Variants in SLC4A4 observed in about 807,000 individuals in gnomAD.
The protein encoded by SLC4A4 is electrogenic sodium bicarbonate cotransporter 1.
Under a neutral mutation model 111.5 loss-of-function variants are expected in SLC4A4, and 27 were observed. That is an observed-to-expected ratio of 0.24 (90% confidence interval 0.18 to 0.33). The LOEUF (loss-of-function observed/expected upper bound fraction) is 0.33, where lower values mean the gene tolerates loss of function less well. Ranked by LOEUF, SLC4A4 falls within the 10% of genes least tolerant of loss-of-function variation. The pLI is 1.00. For missense variants in SLC4A4, 909 were observed against 1,315.5 expected (o/e 0.69, Z 4.78); for synonymous variants, 443 against 463.4 (o/e 0.96, Z 0.57).
intron 2 of SLC4A4, among the ~76,000 whole-genome samples, chr4:71,145,796 C>A (rs183465074): frequency 0.058 from 8,875 of 151,882 alleles, 325 homozygotes; most frequent in East Asian, 0.089. Flanking sequence ...TGGTGATATC[C>A]CCTTTGTCAT....
At chr4:71,397,820 G>A (rs1168288373) in intron 7 of SLC4A4, among the ~76,000 whole-genome samples, 167 bp downstream of exon 7, 2 of 152,168 alleles carry the variant, frequency 1.3e-5, no homozygotes, top group Non-Finnish European at 2.9e-5. Flanking sequence ...AAGGGAGCTG[G>A]AATCAGAAGG....
chr4:71,473,192 C>A, intron 14 of SLC4A4: 1 of 669,134 alleles, frequency 1.5e-6, no homozygotes, highest in Non-Finnish European at 2.7e-6. Context: ...GTGAACATAA[C>A]CAACTCAATA....
chr4:71,459,288 G>A (rs762608296), intron 12 of SLC4A4, among the ~76,000 whole-genome samples: 1 of 151,896 alleles, frequency 6.6e-6, no homozygotes, highest in Non-Finnish European at 1.5e-5. Context: ...ACTTGCAACT[G>A]TTTTGAGAAT....
chr4:71,488,328 G>A (rs1179453471), intron 15 of SLC4A4, among the ~76,000 whole-genome samples: 1 of 151,318 alleles, frequency 6.6e-6, no homozygotes, highest in Non-Finnish European at 1.5e-5. Context: ...CCCTGTCGTT[G>A]GGAAGTCCTG....
At chr4:71,293,717 C>T (rs1347984119) in intron 3 of SLC4A4, among the ~76,000 whole-genome samples, 1 of 152,160 alleles carries the variant, frequency 6.6e-6, no homozygotes, top group East Asian at 1.9e-4. Flanking sequence ...CCTGCAAGGT[C>T]AATTCAGTAG....
chr4:71,141,740 C>T (rs189687888), intron 2 of SLC4A4, among the ~76,000 whole-genome samples: 173 of 152,308 alleles, frequency 1.1e-3, no homozygotes, highest in African/African-American at 3.9e-3. Context: ...ACACTTAGAA[C>T]AGTGCCTGGA....
At chr4:71,237,542 G>A (rs188694382) in intron 2 of SLC4A4, among the ~76,000 whole-genome samples, 68 of 152,184 alleles carry the variant, frequency 4.5e-4, no homozygotes, top group Admixed American at 1.7e-3. Flanking sequence ...TGACCTGACC[G>A]GTGCCATGTG....
chr4:71,276,869 A>G (rs891112902), intron 3 of SLC4A4, among the ~76,000 whole-genome samples: 1 of 151,744 alleles, frequency 6.6e-6, no homozygotes, highest in Non-Finnish European at 1.5e-5. Context: ...GCAATATGGC[A>G]AAACCTTGTC....
intron 3 of SLC4A4, among the ~76,000 whole-genome samples, chr4:71,296,678 A>T (rs1724819837): frequency 6.6e-6 from 1 of 152,196 alleles, no homozygotes; most frequent in African/African-American, 2.4e-5. Context: ...TCTTAATTTA[A>T]AAAAGTGGTT....
intron 3 of SLC4A4, among the ~76,000 whole-genome samples, chr4:71,281,909 C>T (rs1723547172): frequency 6.6e-6 from 1 of 150,738 alleles, no homozygotes; most frequent in Non-Finnish European, 1.5e-5. Context: ...GTCATTTGAT[C>T]TCTTTTTTCT....
chr4:71,495,020 T>TG (rs536720819), intron 15 of SLC4A4, among the ~76,000 whole-genome samples: 154 of 152,218 alleles, frequency 1.0e-3, no homozygotes, highest in Non-Finnish European at 1.7e-3. Context: ...CCAAATATGC[T>TG]GAGATATGTG....
chr4:71,536,385 G>C (rs1235487208), intron 18 of SLC4A4, among the ~76,000 whole-genome samples: 1 of 144,414 alleles, frequency 6.9e-6, no homozygotes, highest in Non-Finnish European at 1.5e-5. Context: ...CATTTGTACT[G>C]AAAAATTTGC....
At chr4:71,443,260 C>T (rs950656278) in intron 8 of SLC4A4, among the ~76,000 whole-genome samples, 5 of 150,954 alleles carry the variant, frequency 3.3e-5, no homozygotes, top group Non-Finnish European at 7.4e-5. Context: ...AGGCAATTCT[C>T]CTGCCTCAAC....
intron 12 of SLC4A4, among the ~76,000 whole-genome samples, chr4:71,454,000 G>A (rs1449393035): frequency 6.6e-6 from 1 of 152,180 alleles, no homozygotes; most frequent in Non-Finnish European, 1.5e-5. Context: ...GTTTGACTAT[G>A]TGGAACATAT....
intron 2 of SLC4A4, among the ~76,000 whole-genome samples, chr4:71,093,631 T>G (rs936529924): frequency 4.6e-5 from 7 of 152,226 alleles, no homozygotes; most frequent in African/African-American, 1.7e-4. Flanking sequence ...AGAGTTCTTC[T>G]TGTGATACTG....
chr4:71,422,152 G>T (rs1363834721), intron 7 of SLC4A4, among the ~76,000 whole-genome samples: 2 of 140,194 alleles, frequency 1.4e-5, no homozygotes, highest in African/African-American at 5.5e-5. Flanking sequence ...TGATAAAGGG[G>T]ATATCACCAC....
At chr4:71,194,686 G>T (rs1284726644) in intron 1 of SLC4A4, among the ~76,000 whole-genome samples, 2 of 152,090 alleles carry the variant, frequency 1.3e-5, no homozygotes, top group Non-Finnish European at 2.9e-5. Flanking sequence ...GATCCCCAAA[G>T]CTTACACATT....
chr4:71,479,014 G>T (rs547221004), intron 14 of SLC4A4, among the ~76,000 whole-genome samples: 6 of 151,638 alleles, frequency 4.0e-5, no homozygotes, highest in Admixed American at 6.6e-5. Context: ...TTCTGACCAG[G>T]TGTCAGTTTT....
chr4:71,280,484 A>T (rs372834302), intron 3 of SLC4A4, among the ~76,000 whole-genome samples: 1 of 152,160 alleles, frequency 6.6e-6, no homozygotes, highest in Non-Finnish European at 1.5e-5. Context: ...GATTAATATC[A>T]TGGAGTTTTT....
Sources: gnomAD v4.1 joint callset for allele counts (sites outside exome capture counted in the v4.1 genomes callset) on GRCh38, gnomAD v4.1.1 for gene constraint, MANE v1.5 for transcripts, NCBI Gene and HGNC (gene_info 2026-07-23, HGNC 2026-07-21) for gene names.